TNFRSF8: variants seen among roughly 807,000 people sequenced by gnomAD.
TNFRSF8 encodes the protein tumor necrosis factor receptor superfamily member 8.
TNFRSF8 carries 26 observed loss-of-function variants against 70.8 expected under a neutral mutation model. The observed-to-expected ratio is 0.37, with a 90% confidence interval of 0.27 to 0.51. TNFRSF8 has a LOEUF of 0.51. TNFRSF8 is among the 20% of genes least tolerant of loss of function. The pLI is 0.94. For missense variants in TNFRSF8, 720 were observed against 807.9 expected (o/e 0.89, Z 1.32); for synonymous variants, 356 against 339.2 (o/e 1.05, Z -0.54).
In TNFRSF8 at chr1:12,138,734, C is replaced by T. The variant is rs576643819; in HGVS notation, c.1543+298C>T. Among the ~76,000 whole-genome samples, 3 of 152,306 alleles carry T rather than the reference C, an allele frequency of 2.0e-5. No individual in the cohort carries two copies. The highest frequency in any genetic ancestry group is 4.8e-5 in the African/African-American group (2 of 41,568). On this transcript the variant is annotated intron_variant, in intron 14 of 14. Coordinates refer to ENST00000263932, the MANE Select transcript of TNFRSF8 (RefSeq NM_001243.5). The surrounding 1 kb of genome is among the most constrained non-coding windows in gnomAD (Gnocchi z 5.7). ...AGCACCCGAGGGGACAGGAGGAAGA[C>T]GTGCCAGTGGTCACAGGACCTGCCA...
chr1:12,134,876 C>T (rs1041864094), intron 12 of TNFRSF8, among the ~76,000 whole-genome samples: 4 of 152,060 alleles, frequency 2.6e-5, no homozygotes, highest in Non-Finnish European at 5.9e-5. Context: ...GTAAGGTGGG[C>T]GCAGCAGCCA....
chr1:12,114,126 C>G (rs903119517), intron 7 of TNFRSF8, among the ~76,000 whole-genome samples: 1 of 152,126 alleles, frequency 6.6e-6, no homozygotes, highest in African/African-American at 2.4e-5. Context: ...CTCTAGAACC[C>G]GAGTGCCGGG....
chr1:12,071,132 A>G (rs1640836445), intron 1 of TNFRSF8, among the ~76,000 whole-genome samples: 1 of 152,212 alleles, frequency 6.6e-6, no homozygotes, highest in Admixed American at 6.5e-5. Context: ...TTAGAACAAC[A>G]TGAAGGTATT....
chr1:12,085,146 T>C (rs1213366355), intron 2 of TNFRSF8, among the ~76,000 whole-genome samples: 2 of 152,164 alleles, frequency 1.3e-5, no homozygotes, highest in Non-Finnish European at 2.9e-5. Flanking sequence ...GTTTTGCTCT[T>C]GTTGCCCAGG....
At chr1:12,086,286 A>G (rs1641151641) in intron 2 of TNFRSF8, among the ~76,000 whole-genome samples, 1 of 152,214 alleles carries the variant, frequency 6.6e-6, no homozygotes, top group African/African-American at 2.4e-5. Flanking sequence ...TTTGATTTTG[A>G]TTTGTATTTC....
At position 12,063,491 on chromosome 1, in the gene TNFRSF8, T is replaced by C. The variant is rs2100933107; in HGVS notation, c.-108T>C. ...GGCGGGAGTGTGCTGGAGCCTGAAGTCCACGCGCGCGGCTGAGAACCGCCG... is the reference window on the plus strand; with the variant it reads ...GGCGGGAGTGTGCTGGAGCCTGAAGCCCACGCGCGCGGCTGAGAACCGCCG... On this transcript the variant is annotated 5_prime_UTR_variant, in exon 1 of 15. Transcript: ENST00000263932. The surrounding 1 kb of genome is among the most constrained non-coding windows in gnomAD (Gnocchi z 7.2). 2.9e-6 allele frequency: 3 copies of C among 1,019,960 alleles called. No individual in the cohort carries two copies. Among genetic ancestry groups the C allele is most frequent in the Middle Eastern group, 7.1e-4 (2 of 2,834 alleles). 63.2% of individuals were successfully genotyped at this position (1,019,960 alleles called of 1,614,324 possible).
chr1:12,124,829 CAAACAAAACAAAACA>C (rs201195847), intron 10 of TNFRSF8, among the ~76,000 whole-genome samples: 1,640 of 146,022 alleles, frequency 0.011, 17 homozygotes, highest in African/African-American at 0.019. Flanking sequence ...GAATCAGTCT[CAAACAAAACAAAACA>C]AAACAAAACA....
intron 3 of TNFRSF8, among the ~76,000 whole-genome samples, chr1:12,103,248 C>T (rs1641455207): frequency 1.3e-5 from 2 of 152,002 alleles, no homozygotes; most frequent in African/African-American, 2.4e-5. Context: ...CCTGTAATCC[C>T]AGCTACTCAG....
intron 4 of TNFRSF8, among the ~76,000 whole-genome samples, chr1:12,106,710 G>C (rs1181142640): frequency 6.6e-6 from 1 of 152,058 alleles, no homozygotes; most frequent in Non-Finnish European, 1.5e-5. Flanking sequence ...GAATGATGGA[G>C]GCCTCCACCC....
intron 4 of TNFRSF8, among the ~76,000 whole-genome samples, chr1:12,105,660 A>G (rs1641509817): frequency 6.6e-6 from 1 of 152,128 alleles, no homozygotes; most frequent in South Asian, 2.1e-4. Flanking sequence ...ACACAAGGCC[A>G]GGTGTGGTGG....
intron 2 of TNFRSF8, among the ~76,000 whole-genome samples, chr1:12,095,640 T>C (rs150424482): frequency 6.6e-6 from 1 of 152,360 alleles, no homozygotes; most frequent in East Asian, 1.9e-4. Flanking sequence ...TCCAAGGTAG[T>C]TGGATTCCTC....
intron 12 of TNFRSF8, among the ~76,000 whole-genome samples, chr1:12,128,594 C>A (rs1201123): frequency 6.6e-6 from 1 of 152,052 alleles, no homozygotes; most frequent in African/African-American, 2.4e-5. Flanking sequence ...CTGGGTGAGC[C>A]GTAGGACGGG....
chr1:12,101,020 A>G (rs1001423390), intron 3 of TNFRSF8, among the ~76,000 whole-genome samples: 2 of 152,016 alleles, frequency 1.3e-5, no homozygotes, highest in East Asian at 1.9e-4. Context: ...GGTAACATGC[A>G]TGGAGTATCG....
Position 12,111,992 on chromosome 1 carries a change from G to C in TNFRSF8, c.771G>C (p.Thr257=). Residue 257 remains threonine (T), a synonymous_variant, in exon 7 of 15, where the codon ACG becomes ACC. Transcript: ENST00000263932. ...DYYLDEAGRC[T]ACVSCSRDDL... ...ACCTGGACGAGGCCGGCCGCTGCAC[G>C]GCCTGCGTGAGCTGTTCTCGAGGTA... 6.2e-7 allele frequency: 1 copy of C among 1,614,158 alleles called. No individual in the cohort carries two copies. Among genetic ancestry groups the C allele is most frequent in the Non-Finnish European group, 8.5e-7 (1 of 1,179,998 alleles).
chr1:12,106,542 T>TC (rs922521303), intron 4 of TNFRSF8, among the ~76,000 whole-genome samples: 4 of 152,130 alleles, frequency 2.6e-5, no homozygotes, highest in African/African-American at 9.7e-5. Flanking sequence ...CATCAACATC[T>TC]CCCCACTGCC....
At position 12,126,202 on chromosome 1, in the gene TNFRSF8, G is replaced by A. The variant is rs761852402; in HGVS notation, c.1275G>A (p.Pro425=). The change falls in exon 12 of 15, where the codon CCG becomes CCA. Residue 425 remains proline, a synonymous_variant. Coordinates refer to ENST00000263932, the MANE Select transcript of TNFRSF8 (RefSeq NM_001243.5). ...RIRQKLHLCY[P]VQTSQPKLEL... ...TTTCAGAGCTCCACCTGTGCTACCC[G>A]GTCCAGACCTCCCAGCCCAAGCTAG... is the stretch of plus-strand genomic sequence containing the variant. 113 of 1,613,970 alleles carry A rather than the reference G, an allele frequency of 7.0e-5. No individual in the cohort carries two copies. Among genetic ancestry groups the A allele is most frequent in the Middle Eastern group, 3.3e-4 (2 of 6,084 alleles).
intron 1 of TNFRSF8, among the ~76,000 whole-genome samples, chr1:12,075,864 C>T (rs985416339): frequency 2.0e-5 from 3 of 152,188 alleles, no homozygotes; most frequent in Non-Finnish European, 2.9e-5. Context: ...ATGACACCTC[C>T]AACCAGAAAC....
chr1:12,121,906 A>G (rs1641835268), intron 8 of TNFRSF8, among the ~76,000 whole-genome samples: 1 of 152,248 alleles, frequency 6.6e-6, no homozygotes, highest in Non-Finnish European at 1.5e-5. Flanking sequence ...ACAGAAAGGA[A>G]TGAAGCTGAA....
At chr1:12,091,024 G>A (rs1641240095) in intron 2 of TNFRSF8, among the ~76,000 whole-genome samples, 1 of 152,192 alleles carries the variant, frequency 6.6e-6, no homozygotes, top group East Asian at 1.9e-4. Flanking sequence ...TATACACAGA[G>A]ACAAGACTGT....
Sources: allele counts gnomAD v4.1 joint callset (sites outside exome capture counted in the v4.1 genomes callset), GRCh38; gene constraint gnomAD v4.1.1; non-coding constraint Gnocchi (gnomAD v3.1); transcripts MANE v1.5; gene names NCBI Gene and HGNC (gene_info 2026-07-23, HGNC 2026-07-21).